GTF2A2: variants seen among roughly 807,000 people sequenced by gnomAD.
GTF2A2 encodes the protein general transcription factor IIA subunit 2.
A neutral mutation model predicts 14.3 loss-of-function variants in GTF2A2; 9 were observed. The observed-to-expected ratio is 0.63, with a 90% CI of 0.38 to 1.10. The LOEUF is 1.10. Among genes scored for constraint, GTF2A2 ranks in the 50% least tolerant of loss-of-function variants. GTF2A2 has a pLI of 0.01. For synonymous variants in GTF2A2, 56 were observed against 46.0 expected, an observed-to-expected ratio of 1.22 and a Z score of -0.88; for missense variants, 90 against 124.6, an observed-to-expected ratio of 0.72 and a Z score of 1.32.
intron 3 of GTF2A2, among the ~76,000 whole-genome samples, chr15:59,645,253 T>C (rs951431154): frequency 3.2e-4 from 48 of 152,170 alleles, no homozygotes; most frequent in African/African-American, 7.2e-4. Context: ...CAATAAGTAA[T>C]TGGAGTATAG....
At chr15:59,653,656 C>T (rs962840702) in intron 1 of GTF2A2, among the ~76,000 whole-genome samples, 3 of 152,166 alleles carry the variant, frequency 2.0e-5, no homozygotes, top group Non-Finnish European at 2.9e-5. Flanking sequence ...TAAATACCAT[C>T]TACTATCTGG....
intron 3 of GTF2A2, among the ~76,000 whole-genome samples, chr15:59,648,698 G>A (rs1891693920): frequency 2.0e-5 from 3 of 152,112 alleles, no homozygotes; most frequent in Admixed American, 6.5e-5. Flanking sequence ...ACTTTGGGAG[G>A]TCGAGGTGGG....
intron 4 of GTF2A2, among the ~76,000 whole-genome samples, chr15:59,640,528 T>C (rs1370063291): frequency 1.3e-5 from 2 of 151,970 alleles, no homozygotes; most frequent in Admixed American, 6.5e-5. Flanking sequence ...AATTAAAACA[T>C]TGAGTTAAGT....
intron 3 of GTF2A2, 147 bp from the exon 4 acceptor site, chr15:59,642,409 A>G (rs1891460585): frequency 1.6e-6 from 1 of 610,888 alleles, no homozygotes; most frequent in South Asian, 5.5e-5. Context: ...CCTAGCTATT[A>G]AAAAAACAAC....
intron 3 of GTF2A2, 112 bp downstream of exon 3, chr15:59,650,557 G>T (rs1389139967): frequency 1.7e-6 from 1 of 589,726 alleles, no homozygotes; most frequent in Non-Finnish European, 3.0e-6. Flanking sequence ...TCCAAAAATT[G>T]ACTAAGCCAC....
At chr15:59,652,476 G>C in intron 1 of GTF2A2, 150 bp from the exon 2 acceptor site, 1 of 513,160 alleles carries the variant, frequency 1.9e-6, no homozygotes, top group Admixed American at 3.7e-5. Flanking sequence ...AGAATTACAA[G>C]GAATTGCTAC....
At chr15:59,639,595 T>C (rs1891324566) in intron 4 of GTF2A2, among the ~76,000 whole-genome samples, 3 of 150,992 alleles carry the variant, frequency 2.0e-5, no homozygotes. Flanking sequence ...CCCGAGTAGC[T>C]GGGACTACAG....
Position 59,652,298 on chromosome 15 carries a change from T to C in GTF2A2, c.-21A>G. 2.1e-6 allele frequency: 3 copies of C among 1,450,870 alleles called. No individual in the cohort carries two copies. Among genetic ancestry groups the C allele is most frequent in the South Asian group, 1.2e-5 (1 of 84,132 alleles). The allele number at this position is 1,450,870 out of a possible 1,614,324, so 89.9% of individuals were successfully genotyped here. A position where few individuals can be genotyped will look rare whatever the true frequency, so the allele number is the denominator to read the frequency against. ...GCCATGGCTTAGGAGGAAGAATTTG[T>C]TTTTCTTATTCAAGCTTGCATTGAT... On this transcript the variant is annotated 5_prime_UTR_variant, in exon 2 of 5. Coordinates refer to ENST00000396060, the MANE Select transcript of GTF2A2 (RefSeq NM_004492.3).
chr15:59,644,818 G>C (rs1352674785), intron 3 of GTF2A2, among the ~76,000 whole-genome samples: 1 of 152,194 alleles, frequency 6.6e-6, no homozygotes, highest in African/African-American at 2.4e-5. Context: ...CTAAGATAAA[G>C]GAGAACCTTG....
At chr15:59,644,826 T>C (rs1891549509) in intron 3 of GTF2A2, among the ~76,000 whole-genome samples, 1 of 152,196 alleles carries the variant, frequency 6.6e-6, no homozygotes. Context: ...AAGGAGAACC[T>C]TGGAAAACCT....
rs1308577914 is a variant in GTF2A2, at chr15:59,639,173, G to C, written c.305-16C>G. ...GAGCCAGTATCTAGGAAACAAAAGA[G>C]AAAGTAAAGTAAAGTAAATTCAAGG... On this transcript the variant is annotated splice_polypyrimidine_tract_variant and intron_variant, in intron 4 of 4. Transcript: ENST00000396060. 7.1e-7 allele frequency: 1 copy of C among 1,403,810 alleles called. No homozygotes were observed. Among genetic ancestry groups the C allele is most frequent in the South Asian group, 1.2e-5 (1 of 84,628 alleles). 87.0% of individuals were successfully genotyped at this position (1,403,810 alleles called of 1,614,324 possible).
At chr15:59,642,325 G>A (rs1036848545) in intron 3 of GTF2A2, 63 bp from the exon 4 acceptor site, 78 of 1,439,650 alleles carry the variant, frequency 5.4e-5, no homozygotes, top group Non-Finnish European at 7.2e-5. Context: ...TTTCTCCAAA[G>A]CAATTTAAGA....
At chr15:59,643,102 CAG>C (rs1193538035) in intron 3 of GTF2A2, among the ~76,000 whole-genome samples, 1 of 101,556 alleles carries the variant, frequency 9.8e-6, no homozygotes, top group Non-Finnish European at 1.9e-5. Flanking sequence ...TTTTTTGAGA[CAG>C]AGTCTCACTC....
At chr15:59,656,175 C>G (rs1891937459) in intron 1 of GTF2A2, among the ~76,000 whole-genome samples, 1 of 152,214 alleles carries the variant, frequency 6.6e-6, no homozygotes, top group African/African-American at 2.4e-5. Flanking sequence ...ACCCCCAAAA[C>G]TCTTGCTCAT....
chr15:59,642,186 G>A lies in GTF2A2; in HGVS notation c.254C>T (p.Thr85Ile). 2.5e-6 allele frequency: 4 copies of A among 1,609,940 alleles called. No individual in the cohort carries two copies. The highest frequency in any genetic ancestry group is 3.4e-6 in the Non-Finnish European group (4 of 1,177,650). ...VLNDVEFREV[T>I]ELIKVDKVKI... is the part of the protein sequence containing the mutation. ...CACTTTATCCACTTTAATAAGTTCTGTCACCTCTCTGAATTCAACATCATT... is the reference window on the plus strand; with the variant it reads ...CACTTTATCCACTTTAATAAGTTCTATCACCTCTCTGAATTCAACATCATT... The change falls in exon 4 of 5, where the codon ACA becomes ATA. Residue 85 changes from threonine (T) to isoleucine (I), a missense_variant. Transcript: ENST00000396060.
At chr15:59,639,672 A>G (rs560430643) in intron 4 of GTF2A2, among the ~76,000 whole-genome samples, 1 of 151,866 alleles carries the variant, frequency 6.6e-6, no homozygotes, top group South Asian at 2.1e-4. Context: ...GTTAGCCAGG[A>G]TGGTCTCGAT....
intron 3 of GTF2A2, among the ~76,000 whole-genome samples, chr15:59,648,805 G>A (rs1393551334): frequency 6.6e-6 from 1 of 152,014 alleles, no homozygotes; most frequent in Non-Finnish European, 1.5e-5. Flanking sequence ...GTGGTGGCGG[G>A]CACCTGTAGT....
intron 3 of GTF2A2, among the ~76,000 whole-genome samples, chr15:59,648,381 CTGGG>C (rs1198257328): frequency 8.4e-6 from 1 of 118,608 alleles, no homozygotes; most frequent in Non-Finnish European, 1.6e-5. Context: ...GCATTCCAGC[CTGGG>C]TAACAGACTT....
chr15:59,655,920 A>T lies in GTF2A2; in HGVS notation c.-50+1486T>A, dbSNP rs1411446211. On this transcript the variant is annotated intron_variant, in intron 1 of 4. Transcript: ENST00000396060. ...ATTCAGAATCCAACCACTTCTCACC[A>T]TCCCTACGGTTATCACCCTGACCTG... Among the ~76,000 whole-genome samples, 3 of 152,202 alleles carry T rather than the reference A, an allele frequency of 2.0e-5. No individual in the cohort carries two copies. The East Asian group carries it at 5.8e-4, about 29-fold the overall frequency.
Sources: gnomAD v4.1 joint callset for allele counts (sites outside exome capture counted in the v4.1 genomes callset) on GRCh38, gnomAD v4.1.1 for gene constraint, MANE v1.5 for transcripts, NCBI Gene and HGNC (gene_info 2026-07-23, HGNC 2026-07-21) for gene names.